TCF4: variants seen among roughly 807,000 people sequenced by gnomAD.
TCF4 encodes SL3-3 enhancer factor 2.
TCF4 carries 3 observed loss-of-function variants against 82.1 expected under a neutral mutation model. That is an observed-to-expected ratio of 0.04 (90% CI 0.02 to 0.09). The LOEUF (loss-of-function observed/expected upper bound fraction) is 0.09. TCF4 is among the 10% of genes least tolerant of loss of function. The probability of loss-of-function intolerance (pLI) is 1.00; values close to 1 mark genes in which losing one functional copy is unlikely to be tolerated. For missense variants in TCF4, 518 were observed against 852.7 expected, an observed-to-expected ratio of 0.61 and a Z score of 4.89; for synonymous variants, 276 against 309.6, an observed-to-expected ratio of 0.89 and a Z score of 1.14.
intron 5 of TCF4, among the ~76,000 whole-genome samples, chr18:55,449,333 T>C (rs780813770): frequency 2.6e-5 from 4 of 152,008 alleles, no homozygotes; most frequent in Non-Finnish European, 4.4e-5. Context: ...AGACCATCAA[T>C]AAATAAGGAA....
chr18:55,468,290 G>T (rs974891612), intron 3 of TCF4, among the ~76,000 whole-genome samples: 1 of 152,110 alleles, frequency 6.6e-6, no homozygotes, highest in African/African-American at 2.4e-5. Flanking sequence ...GCTAGAAGTG[G>T]GTCAAAACTT....
At chr18:55,539,811 C>T (rs2097149766) in intron 3 of TCF4, among the ~76,000 whole-genome samples, 1 of 152,066 alleles carries the variant, frequency 6.6e-6, no homozygotes, top group South Asian at 2.1e-4. Context: ...ATTAAAAATA[C>T]AGCCATTGAA....
intron 8 of TCF4, chr18:55,322,435 A>C (rs2075831319): frequency 2.0e-6 from 2 of 1,005,892 alleles, no homozygotes; most frequent in South Asian, 4.7e-5. Flanking sequence ...GAAAAAAAAA[A>C]AAAAAAAAAA....
chr18:55,437,519 C>T (rs2095354393), intron 5 of TCF4, among the ~76,000 whole-genome samples: 2 of 151,954 alleles, frequency 1.3e-5, no homozygotes, highest in Admixed American at 1.3e-4. Flanking sequence ...TAATTAGGTG[C>T]TAAGTAGGTG....
chr18:55,390,833 G>A (rs368537211), intron 6 of TCF4, among the ~76,000 whole-genome samples: 4 of 152,266 alleles, frequency 2.6e-5, no homozygotes, highest in South Asian at 2.1e-4. Flanking sequence ...ATGTTCTTTC[G>A]AAATAAATCA....
intron 3 of TCF4, among the ~76,000 whole-genome samples, chr18:55,464,540 C>T (rs1048708202): frequency 3.9e-5 from 6 of 152,178 alleles, no homozygotes; most frequent in African/African-American, 1.2e-4. Context: ...TTAGCATCCT[C>T]GCCATAATGC....
chr18:55,635,738 T>C (rs2097735756), exon 1 of TCF4: 1 of 1,550,560 alleles, frequency 6.4e-7, no homozygotes, highest in Non-Finnish European at 8.7e-7. Context: ...GAGTAGCAGT[T>C]CTCAACCCAA....
intron 3 of TCF4, among the ~76,000 whole-genome samples, chr18:55,537,295 C>G (rs2097125656): frequency 6.6e-6 from 1 of 151,788 alleles, no homozygotes; most frequent in Non-Finnish European, 1.5e-5. Context: ...CCTTTTTGCC[C>G]AGCTTTTAAA....
intron 6 of TCF4, among the ~76,000 whole-genome samples, chr18:55,355,404 G>A (rs1299832957): frequency 1.3e-5 from 2 of 152,132 alleles, no homozygotes; most frequent in Non-Finnish European, 2.9e-5. Flanking sequence ...GGAAGTTTCT[G>A]TAAATCCCTG....
At chr18:55,277,180 T>C (rs532493513) in intron 9 of TCF4, among the ~76,000 whole-genome samples, 3 of 152,212 alleles carry the variant, frequency 2.0e-5, no homozygotes, top group Non-Finnish European at 4.4e-5. Flanking sequence ...AGGACCATGA[T>C]GCAACTGTTT....
chr18:55,473,123 A>G (rs2096221965), intron 3 of TCF4, among the ~76,000 whole-genome samples: 1 of 152,198 alleles, frequency 6.6e-6, no homozygotes, highest in South Asian at 2.1e-4. Flanking sequence ...TATTTGGTAA[A>G]TAATTTATTG....
At chr18:55,414,412 G>T (rs1053246352) in intron 5 of TCF4, among the ~76,000 whole-genome samples, 15 of 152,048 alleles carry the variant, frequency 9.9e-5, no homozygotes, top group Non-Finnish European at 1.9e-4. Flanking sequence ...AGTTTTTATG[G>T]CTTTTGCTTA....
intron 6 of TCF4, among the ~76,000 whole-genome samples, chr18:55,382,381 A>G (rs192142870): frequency 1.7e-4 from 26 of 152,280 alleles, no homozygotes; most frequent in Admixed American, 1.2e-3. Context: ...TTCATCACCT[A>G]TAAGATGCCA....
chr18:55,397,911 T>G (rs1464167608), intron 6 of TCF4, among the ~76,000 whole-genome samples: 2 of 152,218 alleles, frequency 1.3e-5, no homozygotes, highest in Non-Finnish European at 2.9e-5. Flanking sequence ...TACAAACAAC[T>G]GTTTAACCTA....
intron 8 of TCF4, among the ~76,000 whole-genome samples, chr18:55,283,964 A>G (rs2063152839): frequency 6.6e-6 from 1 of 152,202 alleles, no homozygotes; most frequent in Non-Finnish European, 1.5e-5. Flanking sequence ...TGAACTGATC[A>G]TCAAAGTCTA....
rs2046902418 is a variant in TCF4, at chr18:55,228,279, C to T, written c.1962G>A (p.Leu654=). Residue 654 remains leucine, a synonymous_variant, in exon 19 of 20, where the codon TTG becomes TTA. Transcript: ENST00000354452. The part of the protein sequence containing the change: ...KVSSEPPPLS[L]AGPHPGMGDA... The stretch of plus-strand genomic sequence containing the variant: ...CTCCCATTCCAGGGTGTGGGCCGGC[C>T]AAGGAGAGAGGGGGAGGCTCTGAGG... 1.2e-6 allele frequency: 2 copies of T among 1,613,962 alleles called. No individual in the cohort carries two copies. Among genetic ancestry groups the T allele is most frequent in the Non-Finnish European group, 1.7e-6 (2 of 1,180,016 alleles).
In TCF4 at chr18:55,224,164, CTTTTT is replaced by C. The variant is rs66807288; in HGVS notation, c.*3866_*3870del. 3 of 140,538 alleles carry C rather than the reference CTTTTT, an allele frequency of 2.1e-5. No individual in the cohort carries two copies. Among genetic ancestry groups the C allele is most frequent in the Admixed American group, 1.4e-4 (2 of 14,030 alleles). The allele number at this position is 140,538 out of a possible 1,614,324, so 8.7% of individuals were successfully genotyped here. A position where few individuals can be genotyped will look rare whatever the true frequency, so the allele number is the denominator to read the frequency against. ...GGCACTGATACATGGTAAATCTCTG[CTTTTT>C]TTTTTTTTTTCTTATCTTCACTTAA... is the stretch of plus-strand genomic sequence containing the variant. On this transcript the variant is annotated 3_prime_UTR_variant, in exon 20 of 20. Transcript: ENST00000354452.
At chr18:55,465,928 A>G (rs1007215849) in intron 3 of TCF4, among the ~76,000 whole-genome samples, 14 of 152,312 alleles carry the variant, frequency 9.2e-5, no homozygotes, top group Admixed American at 3.3e-4. Context: ...TTGAATCCCT[A>G]TAAGTACCAT....
chr18:55,438,708 A>C (rs531410815), intron 5 of TCF4, among the ~76,000 whole-genome samples: 7 of 152,274 alleles, frequency 4.6e-5, no homozygotes, highest in Admixed American at 3.3e-4. Context: ...TACAGGACAA[A>C]ACTGTGTACT....
Sources: allele counts gnomAD v4.1 joint callset (sites outside exome capture counted in the v4.1 genomes callset), GRCh38; gene constraint gnomAD v4.1.1; transcripts MANE v1.5; gene names NCBI Gene and HGNC (gene_info 2026-07-23, HGNC 2026-07-21).